Variants in ESYT3 observed in about 807,000 individuals in gnomAD.
ESYT3 encodes extended synaptotagmin-3.
Under a neutral mutation model 111.5 loss-of-function variants are expected in ESYT3, and 101 were observed. That is an observed-to-expected ratio of 0.91 (90% confidence interval 0.77 to 1.07). The LOEUF is 1.07. ESYT3 is among the 50% of genes least tolerant of loss of function. The probability of loss-of-function intolerance (pLI) is 0.00; values close to 1 mark genes in which losing one functional copy is unlikely to be tolerated. For synonymous variants in ESYT3, 416 were observed against 446.8 expected, an observed-to-expected ratio of 0.93 and a Z score of 0.87; for missense variants, 1,097 against 1,109.4, an observed-to-expected ratio of 0.99 and a Z score of 0.16.
intron 2 of ESYT3, among the ~76,000 whole-genome samples, chr3:138,453,983 G>A (rs532010080): frequency 2.4e-4 from 36 of 152,186 alleles, no homozygotes; most frequent in Non-Finnish European, 4.7e-4. Context: ...ACCATGCCTG[G>A]CTAGGGAATG....
chr3:138,475,866 C>T (rs1462510074), intron 20 of ESYT3, among the ~76,000 whole-genome samples: 5 of 152,148 alleles, frequency 3.3e-5, no homozygotes, highest in South Asian at 4.1e-4. Context: ...GCAGAGGTTG[C>T]GGTGAGCCAA....
chr3:138,468,717 G>T lies in ESYT3; in HGVS notation c.1371G>T (p.Pro457=), dbSNP rs376426965. The T allele has an allele frequency of 6.2e-7, 1 of 1,614,118 alleles. No individual in the cohort carries two copies. The highest frequency in any genetic ancestry group is 1.1e-5 in the South Asian group (1 of 91,064). The change falls in exon 13 of 23, where the codon CCG becomes CCT. Residue 457 remains proline, a splice_region_variant and synonymous_variant. Coordinates refer to ENST00000389567, the MANE Select transcript of ESYT3 (RefSeq NM_031913.5). ...TCTTGGAGAGTGCCTGCAACTTGCC[G>T]GTGAGTGGCGACATGTCCAGAGTGT... is the stretch of plus-strand genomic sequence containing the variant. The part of the protein sequence containing the change: ...VVFLESACNL[P]RNPFDYLNGE...
At chr3:138,476,717 T>C (rs115810921) in intron 22 of ESYT3, 101 bp from the exon 23 acceptor site, 18,920 of 1,246,240 alleles carry the variant, frequency 0.015, 183 homozygotes, top group Non-Finnish European at 0.019. Flanking sequence ...CAGGTTCTGC[T>C]GGTCTTACAG....
intron 8 of ESYT3, among the ~76,000 whole-genome samples, chr3:138,463,037 T>A (rs1216771551): frequency 1.3e-5 from 2 of 152,194 alleles, no homozygotes; most frequent in Non-Finnish European, 2.9e-5. Context: ...ATTCCCCCTT[T>A]CTTCGATAGA....
In ESYT3 at chr3:138,472,568, G is replaced by T. The variant is rs147770352; in HGVS notation, c.1946G>T (p.Ser649Ile). 3.8e-4 allele frequency: 615 copies of T among 1,614,164 alleles called. No individual in the cohort carries two copies. The African/African-American group carries it at 5.6e-3, about 15-fold the overall frequency. ...DVSRSTTTTT[S>I]ATTVATEPTS... is the part of the protein sequence containing the mutation. ...TCCAGGAGTACCACAACCACCACCA[G>T]TGCTACCACCGTTGCCACTGAGCCC... Residue 649 changes from serine (S) to isoleucine (I), a missense_variant, in exon 18 of 23, where the codon AGT (serine) becomes ATT (isoleucine). Transcript: ENST00000389567.
intron 15 of ESYT3, 77 bp downstream of exon 15, chr3:138,469,581 G>C: frequency 1.6e-6 from 2 of 1,270,488 alleles, no homozygotes; most frequent in Non-Finnish European, 2.3e-6. Context: ...GCAAAAGGGA[G>C]GGGAATTAAC....
chr3:138,463,083 T>C (rs983413893), intron 8 of ESYT3, among the ~76,000 whole-genome samples: 2 of 152,130 alleles, frequency 1.3e-5, no homozygotes, highest in African/African-American at 4.8e-5. Flanking sequence ...GCATGCTTTT[T>C]TTTGGGCGGT....
intron 1 of ESYT3, among the ~76,000 whole-genome samples, chr3:138,450,893 G>A (rs2031877034): frequency 1.3e-5 from 2 of 152,224 alleles, no homozygotes; most frequent in Admixed American, 6.5e-5. Flanking sequence ...CACCGTGGGT[G>A]GTCCCAGGCC....
Position 138,435,121 on chromosome 3 carries a change from C to T in ESYT3, c.323C>T (p.Ala108Val), listed in dbSNP as rs2030550596. 1.3e-6 allele frequency: 2 copies of T among 1,577,512 alleles called. No individual in the cohort carries two copies. Among genetic ancestry groups the T allele is most frequent in the Non-Finnish European group, 1.7e-6 (2 of 1,163,140 alleles). Residue 108 changes from alanine (A) to valine (V), a missense_variant, in exon 1 of 23, where the codon GCC (alanine) becomes GTC (valine). Physicochemically the swap from Ala to Val is moderately conservative, Grantham distance 64. Coordinates refer to ENST00000389567, the MANE Select transcript of ESYT3 (RefSeq NM_031913.5). The surrounding 1 kb of genome is among the most constrained non-coding windows in gnomAD (Gnocchi z 4.8). ...SRELRGQHLP[A>V]WIHFPDVERV... is the part of the protein sequence containing the mutation. ...GAGCTGCGGGGCCAGCACCTGCCAG[C>T]CTGGGTGAGCCAAGCCGGGTGGGAG...
intron 1 of ESYT3, among the ~76,000 whole-genome samples, chr3:138,438,853 C>T (rs893574789): frequency 6.6e-6 from 1 of 152,168 alleles, no homozygotes; most frequent in East Asian, 1.9e-4. Flanking sequence ...CTGTGGGTCC[C>T]CTTTGTCTTG....
At chr3:138,459,130 T>G (rs551467666) in intron 4 of ESYT3, 57 bp from the exon 5 acceptor site, 1 of 1,405,052 alleles carries the variant, frequency 7.1e-7, no homozygotes, top group East Asian at 2.5e-5. Context: ...TCCCAACCTT[T>G]CTGAGCAAGT....
At chr3:138,468,795 A>G in intron 13 of ESYT3, 24 bp from the exon 14 acceptor site, 4 of 1,613,902 alleles carry the variant, frequency 2.5e-6, no homozygotes, top group Non-Finnish European at 3.4e-6. Flanking sequence ...GTGTTGCTTT[A>G]ACCCCGTTAT....
chr3:138,472,719 G>T lies in ESYT3; in HGVS notation c.2097G>T (p.Gly699=), dbSNP rs377077172. ...CTGTCCCAGGTCCCCACTCTCCAGG[G>T]CCCATCAAGTCACCCAGACCCATGA... The part of the protein sequence containing the change: ...FLTVPGPHSP[G]PIKSPRPMKC... Residue 699 remains glycine (G), a synonymous_variant, in exon 18 of 23, where the codon GGG becomes GGT. Transcript: ENST00000389567. 1 of 1,614,032 alleles carries T rather than the reference G, an allele frequency of 6.2e-7. No individual in the cohort carries two copies. Among genetic ancestry groups the T allele is most frequent in the Non-Finnish European group, 8.5e-7 (1 of 1,180,048 alleles).
intron 1 of ESYT3, among the ~76,000 whole-genome samples, chr3:138,448,604 T>C (rs1027270061): frequency 6.6e-5 from 10 of 152,078 alleles, no homozygotes; most frequent in Admixed American, 6.5e-5. Flanking sequence ...AGCCAACAGA[T>C]GAAAATCCAG....
At chr3:138,442,200 G>A (rs1377188791) in intron 1 of ESYT3, among the ~76,000 whole-genome samples, 2 of 151,754 alleles carry the variant, frequency 1.3e-5, no homozygotes, top group Non-Finnish European at 2.9e-5. Context: ...ATTAGGATAA[G>A]CATTTTATAA....
intron 10 of ESYT3, among the ~76,000 whole-genome samples, chr3:138,466,649 G>GT (rs1199803583): frequency 1.3e-5 from 2 of 152,080 alleles, no homozygotes; most frequent in Non-Finnish European, 2.9e-5. Context: ...CTCAGGGTGA[G>GT]TTAGGGGCAA....
rs1171663601 is a variant in ESYT3, at chr3:138,452,031, C to T, written c.328-17C>T. The T allele has an allele frequency of 6.2e-7, 1 of 1,613,588 alleles. No homozygotes were observed. The stretch of plus-strand genomic sequence containing the variant: ...TGCGGCTTCTAGTCTAACTTCCCCT[C>T]GGGGCTTCTTTCCTAGATCCACTTC... On this transcript the variant is annotated splice_polypyrimidine_tract_variant and intron_variant, in intron 1 of 22. Transcript: ENST00000389567.
chr3:138,457,020 C>A (rs2032316892), intron 3 of ESYT3, among the ~76,000 whole-genome samples: 1 of 152,198 alleles, frequency 6.6e-6, no homozygotes, highest in Non-Finnish European at 1.5e-5. Context: ...ATTCCCATGT[C>A]CCCTCCTGAC....
In ESYT3 at chr3:138,472,445, A is replaced by G. The variant is rs1307518100; in HGVS notation, c.1823A>G (p.Lys608Arg). 1 of 1,614,220 alleles carries G rather than the reference A, an allele frequency of 6.2e-7. No individual in the cohort carries two copies. The highest frequency in any genetic ancestry group is 1.3e-5 in the African/African-American group (1 of 75,056). The change falls in exon 18 of 23, where the codon AAA becomes AGA. Residue 608 changes from lysine (K) to arginine (R), a missense_variant. Coordinates refer to ENST00000389567, the MANE Select transcript of ESYT3 (RefSeq NM_031913.5). ...AAGAAAGGCCCTCTGCTCATCAAGA[A>G]AGTGGCTACCAACCAGGGTCCCAAA... ...ALKKGPLLIK[K>R]VATNQGPKAQ...
Sources: gnomAD v4.1 joint callset for allele counts (sites outside exome capture counted in the v4.1 genomes callset) on GRCh38, gnomAD v4.1.1 for gene constraint, Gnocchi (gnomAD v3.1) non-coding constraint, MANE v1.5 for transcripts, NCBI Gene and HGNC (gene_info 2026-07-23, HGNC 2026-07-21) for gene names.